The following RBFOX1 variants were observed in gnomAD, a reference collection of about 807,000 sequenced individuals.
The protein encoded by RBFOX1 is RNA binding fox-1 homolog 1.
In RBFOX1, 8 loss-of-function variants were observed where a neutral mutation model predicts 57.7. That is an observed-to-expected ratio of 0.14 (90% CI 0.08 to 0.25). The LOEUF is 0.25. RBFOX1 is among the 10% of genes least tolerant of loss of function. The pLI is 1.00. For missense variants in RBFOX1, 611 were observed against 548.5 expected (o/e 1.11, Z -1.14); for synonymous variants, 326 against 222.4 (o/e 1.47, Z -4.15).
chr16:7,553,106 C>G (rs547756498), intron 5 of RBFOX1, among the ~76,000 whole-genome samples: 2 of 151,896 alleles, frequency 1.3e-5, no homozygotes, highest in Non-Finnish European at 2.9e-5. Flanking sequence ...TTTCCCCTTC[C>G]TTTTTAAAAA....
In RBFOX1 at chr16:5,325,573, C is replaced by G. The variant is rs574119981; in HGVS notation, c.219+85468C>G. 7.1e-4 allele frequency among the ~76,000 whole-genome samples: 108 copies of G among 152,270 alleles called. 1 individual carries two copies. Among genetic ancestry groups the G allele is most frequent in the Admixed American group, 1.6e-3 (25 of 15,300 alleles). ...AGCTCCATCCACCCCCAAACACTAC[C>G]CTGTGATAGCCCTCTGAAGTCATAT... On this transcript the variant is annotated intron_variant, in intron 1 of 2. Coordinates refer to the RBFOX1 transcript ENST00000585867.
chr16:7,589,449 G>C (rs1415567144), intron 7 of RBFOX1, among the ~76,000 whole-genome samples: 2 of 151,882 alleles, frequency 1.3e-5, no homozygotes, highest in South Asian at 4.2e-4. Flanking sequence ...TCAGGAAAAA[G>C]ACCATTTAAG....
chr16:5,652,828 G>A (rs2049284394), intron 3 of RBFOX1, among the ~76,000 whole-genome samples: 1 of 152,214 alleles, frequency 6.6e-6, no homozygotes, highest in Non-Finnish European at 1.5e-5. Context: ...CCTTATCTTT[G>A]TAAGCTTTCC....
chr16:6,942,397 C>G (rs564429346), intron 3 of RBFOX1, among the ~76,000 whole-genome samples: 2 of 152,104 alleles, frequency 1.3e-5, no homozygotes, highest in Admixed American at 6.6e-5. Flanking sequence ...TGGGTTCAAA[C>G]CACCCTCTCC....
intron 2 of RBFOX1, among the ~76,000 whole-genome samples, chr16:5,571,505 G>A (rs907745233): frequency 1.3e-5 from 2 of 152,040 alleles, no homozygotes; most frequent in Admixed American, 6.5e-5. Context: ...CCTGAGGGTC[G>A]TGGCCAACTC....
At chr16:7,101,529 A>G (rs1164597809) in intron 4 of RBFOX1, among the ~76,000 whole-genome samples, 1 of 152,152 alleles carries the variant, frequency 6.6e-6, no homozygotes, top group Non-Finnish European at 1.5e-5. Flanking sequence ...GTATCCAACC[A>G]AAAGCATTCA....
chr16:6,094,664 T>A (rs1192894016), intron 1 of RBFOX1, among the ~76,000 whole-genome samples: 1 of 152,216 alleles, frequency 6.6e-6, no homozygotes, highest in Non-Finnish European at 1.5e-5. Flanking sequence ...GAGTTTAAGA[T>A]CACAGGCATT....
At chr16:6,841,390 G>C (rs944935267) in intron 3 of RBFOX1, among the ~76,000 whole-genome samples, 2 of 152,118 alleles carry the variant, frequency 1.3e-5, no homozygotes, top group Admixed American at 6.5e-5. Context: ...TCACACTAAA[G>C]AGCCCAGAGT....
intron 3 of RBFOX1, among the ~76,000 whole-genome samples, chr16:5,686,796 A>T (rs781523134): frequency 1.3e-5 from 2 of 152,070 alleles, no homozygotes; most frequent in Non-Finnish European, 2.9e-5. Flanking sequence ...TTGGCTATCA[A>T]TTAGTCAGCA....
At chr16:6,167,677 A>C (rs749633495) in intron 1 of RBFOX1, among the ~76,000 whole-genome samples, 19 of 152,170 alleles carry the variant, frequency 1.2e-4, no homozygotes, top group Non-Finnish European at 5.9e-5. Flanking sequence ...TGCAATGTCC[A>C]ACCAACCTTT....
chr16:5,331,419 T>C (rs2064753549), intron 1 of RBFOX1, among the ~76,000 whole-genome samples: 1 of 152,226 alleles, frequency 6.6e-6, no homozygotes, highest in Non-Finnish European at 1.5e-5. Flanking sequence ...CATTCATGTG[T>C]CTGGAGGTCA....
At chr16:5,451,859 A>G (rs2068434425) in intron 1 of RBFOX1, among the ~76,000 whole-genome samples, 1 of 152,086 alleles carries the variant, frequency 6.6e-6, no homozygotes, top group Admixed American at 6.5e-5. Flanking sequence ...AGTCATGCCT[A>G]CAACTCCCAG....
intron 4 of RBFOX1, among the ~76,000 whole-genome samples, chr16:7,282,108 C>A (rs1431191353): frequency 2.6e-5 from 4 of 152,074 alleles, no homozygotes; most frequent in African/African-American, 4.8e-5. Flanking sequence ...GGTGATCCAC[C>A]CACTTCAGCC....
intron 2 of RBFOX1, among the ~76,000 whole-genome samples, chr16:6,331,259 A>G (rs903314076): frequency 3.3e-5 from 5 of 152,152 alleles, no homozygotes; most frequent in African/African-American, 9.7e-5. Context: ...CAGCCTGATC[A>G]ACATGGTGAA....
At chr16:7,326,905 C>T (rs2096619017) in intron 4 of RBFOX1, among the ~76,000 whole-genome samples, 1 of 152,134 alleles carries the variant, frequency 6.6e-6, no homozygotes, top group South Asian at 2.1e-4. Flanking sequence ...CTTTTTCAGT[C>T]AGTCATTTCT....
intron 1 of RBFOX1, among the ~76,000 whole-genome samples, chr16:6,220,782 T>G (rs1370122880): frequency 1.3e-5 from 2 of 151,216 alleles, no homozygotes; most frequent in African/African-American, 4.8e-5. Flanking sequence ...ACAATCAGCA[T>G]TAAATTTGTG....
chr16:7,583,720 C>T (rs1312495300), intron 6 of RBFOX1, among the ~76,000 whole-genome samples: 1 of 152,134 alleles, frequency 6.6e-6, no homozygotes, highest in Non-Finnish European at 1.5e-5. Context: ...GTGGCTTATA[C>T]CTGTAATCCC....
chr16:5,736,103 A>G (rs1328952690), intron 3 of RBFOX1, among the ~76,000 whole-genome samples: 3 of 151,854 alleles, frequency 2.0e-5, no homozygotes, highest in Non-Finnish European at 4.4e-5. Flanking sequence ...TTCCTTCTTT[A>G]CTGGCTGCGA....
At chr16:7,526,460 A>T (rs2078732350) in intron 5 of RBFOX1, among the ~76,000 whole-genome samples, 1 of 151,894 alleles carries the variant, frequency 6.6e-6, no homozygotes, top group African/African-American at 2.4e-5. Context: ...CTCTGCTCTT[A>T]TTTTTTCTAT....
Sources: allele counts gnomAD v4.1 joint callset (sites outside exome capture counted in the v4.1 genomes callset), GRCh38; gene constraint gnomAD v4.1.1; transcripts MANE v1.5; gene names NCBI Gene and HGNC (gene_info 2026-07-23, HGNC 2026-07-21).